Variants in PTPRK observed in about 807,000 individuals in gnomAD.
The protein encoded by PTPRK is protein tyrosine phosphatase receptor type K.
In PTPRK, 75 loss-of-function variants were observed where a neutral mutation model predicts 178.0. The ratio of observed to expected loss-of-function variants is 0.42; its 90% confidence interval spans 0.35 to 0.51. The LOEUF is 0.51. PTPRK is among the 20% of genes least tolerant of loss of function. The pLI is 0.02. For synonymous variants in PTPRK, 637 were observed against 620.6 expected (o/e 1.03, Z -0.39); for missense variants, 1,441 against 1,797.8 (o/e 0.80, Z 3.59).
At chr6:128,494,052 C>G (rs928880939) in intron 1 of PTPRK, among the ~76,000 whole-genome samples, 1 of 152,090 alleles carries the variant, frequency 6.6e-6, no homozygotes, top group Non-Finnish European at 1.5e-5. Flanking sequence ...ACAGTAGTTA[C>G]TAGAACAGGT....
At chr6:128,400,051 T>A (rs1014170391) in intron 1 of PTPRK, among the ~76,000 whole-genome samples, 5 of 152,122 alleles carry the variant, frequency 3.3e-5, no homozygotes, top group Non-Finnish European at 2.9e-5. Context: ...TATTTCAAGG[T>A]TAAGGGCAAA....
chr6:128,298,202 A>G (rs939556319), intron 3 of PTPRK, among the ~76,000 whole-genome samples: 1 of 152,200 alleles, frequency 6.6e-6, no homozygotes, highest in African/African-American at 2.4e-5. Context: ...CTCTGAATAG[A>G]CCAATAACAG....
intron 2 of PTPRK, among the ~76,000 whole-genome samples, chr6:128,383,759 A>G (rs1196722363): frequency 6.6e-6 from 1 of 152,176 alleles, no homozygotes; most frequent in Non-Finnish European, 1.5e-5. Flanking sequence ...TCTTAATTCT[A>G]TTGTCAAGAA....
chr6:128,166,938 G>A lies in PTPRK; in HGVS notation c.1162+17494C>T, dbSNP rs116674893. Reference sequence around the variant, plus strand: ...TCTATAAAATTAACATTGATATTACGTTTTCTGTTTCCTAGTGTTCCTGGA... The same window carrying A: ...TCTATAAAATTAACATTGATATTACATTTTCTGTTTCCTAGTGTTCCTGGA... On this transcript the variant is annotated intron_variant, in intron 7 of 29. Transcript: ENST00000368226. 6.2e-3 allele frequency among the ~76,000 whole-genome samples: 947 copies of A among 151,706 alleles called. 7 individuals carry two copies. Among genetic ancestry groups the A allele is most frequent in the African/African-American group, 0.021 (886 of 41,478 alleles).
intron 3 of PTPRK, among the ~76,000 whole-genome samples, chr6:128,266,445 T>C (rs1219703373): frequency 2.0e-5 from 3 of 152,140 alleles, no homozygotes; most frequent in Admixed American, 2.0e-4. Flanking sequence ...AAGCACTGGA[T>C]TAGGCAGTTT....
intron 13 of PTPRK, among the ~76,000 whole-genome samples, chr6:128,017,802 G>GTATATATATATATATATATATA (rs34836605): frequency 2.1e-4 from 21 of 101,244 alleles, no homozygotes; most frequent in East Asian, 6.1e-4. Context: ...ATATATATGT[G>GTATATATATATATATATATATA]TATATATATA....
intron 13 of PTPRK, among the ~76,000 whole-genome samples, chr6:128,049,228 C>G (rs948516573): frequency 6.6e-6 from 1 of 152,096 alleles, no homozygotes; most frequent in African/African-American, 2.4e-5. Context: ...TCTGCCAAAA[C>G]TAAATGCTAA....
intron 7 of PTPRK, among the ~76,000 whole-genome samples, chr6:128,122,286 T>G (rs1241842031): frequency 6.6e-6 from 1 of 152,110 alleles, no homozygotes; most frequent in Non-Finnish European, 1.5e-5. Context: ...GTTATTCTAC[T>G]GAGGAGGAAG....
chr6:128,078,677 G>A (rs1004712679), intron 11 of PTPRK, 136 bp downstream of exon 11: 16 of 487,574 alleles, frequency 3.3e-5, no homozygotes, highest in Non-Finnish European at 4.4e-5. Context: ...CTTTATCATA[G>A]GTTTGCATAT....
intron 6 of PTPRK, among the ~76,000 whole-genome samples, chr6:128,205,777 C>CAAAA (rs57003128): frequency 0.02 from 309 of 15,220 alleles, 19 homozygotes; most frequent in East Asian, 0.087. Flanking sequence ...CATCACAGAC[C>CAAAA]AAAAAAAAAA....
chr6:128,094,011 A>C (rs1787488800), intron 7 of PTPRK, among the ~76,000 whole-genome samples: 2 of 152,226 alleles, frequency 1.3e-5, no homozygotes, highest in African/African-American at 4.8e-5. Flanking sequence ...GATAGAAGCA[A>C]GATCTTTAGA....
chr6:128,352,583 T>A (rs1422720749), intron 2 of PTPRK, among the ~76,000 whole-genome samples: 1 of 152,108 alleles, frequency 6.6e-6, no homozygotes, highest in East Asian at 1.9e-4. Flanking sequence ...CTTTTTTTAT[T>A]TCCTCTAAAG....
chr6:128,509,348 T>C (rs117469999), intron 1 of PTPRK, among the ~76,000 whole-genome samples: 1,926 of 152,298 alleles, frequency 0.013, 33 homozygotes, highest in Non-Finnish European at 0.018. Flanking sequence ...CTCTTTATGA[T>C]ACATGATTGC....
intron 1 of PTPRK, among the ~76,000 whole-genome samples, chr6:128,504,823 G>A (rs1389238309): frequency 6.6e-6 from 1 of 152,052 alleles, no homozygotes; most frequent in Non-Finnish European, 1.5e-5. Flanking sequence ...ACTATCTAGT[G>A]TTTTCATTAT....
rs1240784058 is a variant in PTPRK, at chr6:128,187,771, T to A, written c.869-3046A>T. On this transcript the variant is annotated intron_variant, in intron 6 of 29. Transcript: ENST00000368226. ...GCTCAAATTTGGAAATGTGGCAATGTTAAGAGAGGCTTAAAAGCATATGTA... is the reference window on the plus strand; with the variant it reads ...GCTCAAATTTGGAAATGTGGCAATGATAAGAGAGGCTTAAAAGCATATGTA... 2.0e-5 allele frequency among the ~76,000 whole-genome samples: 3 copies of A among 152,150 alleles called. No individual in the cohort carries two copies. In the East Asian group the frequency reaches 5.8e-4, roughly 29 times the overall value.
chr6:128,387,320 AGACTT>A (rs1838883897), intron 2 of PTPRK, among the ~76,000 whole-genome samples: 2 of 152,212 alleles, frequency 1.3e-5, no homozygotes, highest in Non-Finnish European at 2.9e-5. Flanking sequence ...CTGTGAGAAA[AGACTT>A]AACTTGTAGA....
At chr6:128,465,574 T>G (rs1009290047) in intron 1 of PTPRK, among the ~76,000 whole-genome samples, 3 of 152,190 alleles carry the variant, frequency 2.0e-5, no homozygotes, top group African/African-American at 7.2e-5. Context: ...TATTAACAAT[T>G]GTCAGGGCTG....
At chr6:128,144,035 C>T (rs1177721350) in intron 7 of PTPRK, among the ~76,000 whole-genome samples, 2 of 152,064 alleles carry the variant, frequency 1.3e-5, no homozygotes, top group Non-Finnish European at 2.9e-5. Context: ...CTTTTCATCC[C>T]ATTCTCACTT....
At chr6:128,152,038 AG>A (rs1797322243) in intron 7 of PTPRK, among the ~76,000 whole-genome samples, 1 of 152,008 alleles carries the variant, frequency 6.6e-6, no homozygotes, top group African/African-American at 2.4e-5. Context: ...AAGATTAAGG[AG>A]ACCTAGGAAG....
Sources: allele counts gnomAD v4.1 joint callset (sites outside exome capture counted in the v4.1 genomes callset), GRCh38; gene constraint gnomAD v4.1.1; transcripts MANE v1.5; gene names NCBI Gene and HGNC (gene_info 2026-07-23, HGNC 2026-07-21).